The following ADGB variants were observed in gnomAD, a reference collection of about 807,000 sequenced individuals.
ADGB encodes the protein androglobin.
ADGB carries 172 observed loss-of-function variants against 210.5 expected under a neutral mutation model. That is an observed-to-expected ratio of 0.82 (90% CI 0.72 to 0.93). The LOEUF (loss-of-function observed/expected upper bound fraction) is 0.93. ADGB is among the 40% of genes least tolerant of loss of function. The pLI is 0.00. For missense variants in ADGB, 2,025 were observed against 1,964.8 expected (o/e 1.03, Z -0.58); for synonymous variants, 658 against 662.7 (o/e 0.99, Z 0.11).
At chr6:146,641,907 A>G (rs1183578572) in intron 2 of ADGB, among the ~76,000 whole-genome samples, 1 of 152,148 alleles carries the variant, frequency 6.6e-6, no homozygotes, top group Non-Finnish European at 1.5e-5. Context: ...TGACAAGTGG[A>G]TCTAATTAAA....
intron 20 of ADGB, among the ~76,000 whole-genome samples, chr6:146,729,130 C>T (rs113730351): frequency 2.6e-5 from 4 of 152,124 alleles, no homozygotes; most frequent in Non-Finnish European, 4.4e-5. Flanking sequence ...CAACGTGTGC[C>T]TCTGCCAGGC....
At chr6:146,651,005 T>G (rs9403799) in intron 3 of ADGB, among the ~76,000 whole-genome samples, 47,383 of 152,088 alleles carry the variant, frequency 0.31, 8,211 homozygotes, top group Middle Eastern at 0.43. Flanking sequence ...CGACAGAGGA[T>G]TTTTAGGTGC....
chr6:146,797,658 C>T (rs1307769080), intron 33 of ADGB, among the ~76,000 whole-genome samples: 1 of 151,976 alleles, frequency 6.6e-6, no homozygotes, highest in East Asian at 1.9e-4. Context: ...AGTGAACTAA[C>T]CCAGGAATGA....
chr6:146,723,171 A>C (rs1776845735), intron 17 of ADGB, among the ~76,000 whole-genome samples: 5 of 152,136 alleles, frequency 3.3e-5, no homozygotes, highest in Admixed American at 2.0e-4. Context: ...AATTTAGTGC[A>C]TCTACCAAAC....
intron 7 of ADGB, among the ~76,000 whole-genome samples, chr6:146,667,147 C>A (rs1350951757): frequency 6.6e-6 from 1 of 151,922 alleles, no homozygotes; most frequent in African/African-American, 2.4e-5. Context: ...ACAGAAGACA[C>A]ATTAACAAGA....
At chr6:146,792,545 CTT>C (rs916459539) in intron 33 of ADGB, among the ~76,000 whole-genome samples, 1 of 144,672 alleles carries the variant, frequency 6.9e-6, no homozygotes. Flanking sequence ...ACAGCACAGA[CTT>C]TTTTTTTTTT....
intron 12 of ADGB, among the ~76,000 whole-genome samples, chr6:146,697,213 T>A (rs1776416352): frequency 6.6e-6 from 1 of 152,166 alleles, no homozygotes; most frequent in Non-Finnish European, 1.5e-5. Context: ...AAGTTTTTAT[T>A]GAATCAGAAG....
chr6:146,660,503 C>A (rs1775840779), intron 5 of ADGB, among the ~76,000 whole-genome samples: 1 of 152,012 alleles, frequency 6.6e-6, no homozygotes, highest in Admixed American at 6.6e-5. Context: ...TAATTTATAA[C>A]AATAGGGTCA....
chr6:146,710,691 AT>A (rs1477669592), intron 13 of ADGB, among the ~76,000 whole-genome samples: 2 of 152,078 alleles, frequency 1.3e-5, no homozygotes, highest in Admixed American at 6.5e-5. Flanking sequence ...ATTTTTTGAA[AT>A]TTTAAAAAAA....
At chr6:146,617,918 G>A (rs1780828275) in intron 1 of ADGB, among the ~76,000 whole-genome samples, 1 of 151,932 alleles carries the variant, frequency 6.6e-6, no homozygotes, top group South Asian at 2.1e-4. Context: ...TATAACTTTT[G>A]AATCCCCAAA....
intron 27 of ADGB, among the ~76,000 whole-genome samples, chr6:146,761,083 G>C (rs1777482809): frequency 6.6e-6 from 1 of 151,870 alleles, no homozygotes; most frequent in African/African-American, 2.4e-5. Flanking sequence ...CTTTAGAAGA[G>C]CAAAAGCTTT....
intron 9 of ADGB, among the ~76,000 whole-genome samples, chr6:146,680,762 G>A (rs1484088405): frequency 2.0e-5 from 3 of 152,130 alleles, no homozygotes; most frequent in African/African-American, 7.2e-5. Flanking sequence ...GTTCAGGGAA[G>A]AATTGTCTGT....
At chr6:146,698,994 C>A (rs1175614236) in intron 12 of ADGB, among the ~76,000 whole-genome samples, 2 of 152,166 alleles carry the variant, frequency 1.3e-5, no homozygotes, top group Non-Finnish European at 2.9e-5. Flanking sequence ...TTTAGTCACA[C>A]ACAGAGTTTT....
intron 30 of ADGB, among the ~76,000 whole-genome samples, chr6:146,783,552 G>C (rs148188076): frequency 6.6e-6 from 1 of 152,170 alleles, no homozygotes; most frequent in African/African-American, 2.4e-5. Flanking sequence ...AATATACCCT[G>C]TGTTAAAAGG....
intron 13 of ADGB, among the ~76,000 whole-genome samples, chr6:146,703,386 A>G (rs1032816079): frequency 1.2e-4 from 18 of 151,810 alleles, no homozygotes; most frequent in African/African-American, 3.6e-4. Flanking sequence ...TGTTGTGAGA[A>G]CACTAAAATC....
At chr6:146,705,973 G>T (rs1776564354) in intron 13 of ADGB, among the ~76,000 whole-genome samples, 1 of 152,058 alleles carries the variant, frequency 6.6e-6, no homozygotes, top group Admixed American at 6.6e-5. Context: ...GCCAAGGCTG[G>T]AGTGCAGTGG....
chr6:146,691,966 A>G (rs973105606), intron 11 of ADGB, among the ~76,000 whole-genome samples: 2 of 147,170 alleles, frequency 1.4e-5, no homozygotes, highest in African/African-American at 5.0e-5. Flanking sequence ...CTTCTCCTTT[A>G]TTGTTTCTTG....
intron 1 of ADGB, among the ~76,000 whole-genome samples, chr6:146,632,070 A>C (rs1374439216): frequency 6.6e-6 from 1 of 152,074 alleles, no homozygotes; most frequent in Non-Finnish European, 1.5e-5. Flanking sequence ...GCTAGAATAA[A>C]ATATCACAAA....
At chr6:146,708,836 A>G (rs866703577) in intron 13 of ADGB, among the ~76,000 whole-genome samples, 6 of 152,188 alleles carry the variant, frequency 3.9e-5, no homozygotes, top group South Asian at 4.1e-4. Context: ...GTGAACTCCT[A>G]TCACTCAAAT....
Sources: gnomAD v4.1 joint callset for allele counts (sites outside exome capture counted in the v4.1 genomes callset) on GRCh38, gnomAD v4.1.1 for gene constraint, MANE v1.5 for transcripts, NCBI Gene and HGNC (gene_info 2026-07-23, HGNC 2026-07-21) for gene names.